The following TMEM87A variants were observed in gnomAD, a reference collection of about 807,000 sequenced individuals.
TMEM87A encodes transmembrane protein 87A.
Under a neutral mutation model 90.0 loss-of-function variants are expected in TMEM87A, and 50 were observed. That is an observed-to-expected ratio of 0.56 (90% CI 0.44 to 0.70). The LOEUF (loss-of-function observed/expected upper bound fraction) is 0.70, where lower values mean the gene tolerates loss of function less well. Among genes scored for constraint, TMEM87A ranks in the 30% least tolerant of loss-of-function variants. TMEM87A has a pLI of 0.00. For missense variants in TMEM87A, 577 were observed against 660.5 expected, an observed-to-expected ratio of 0.87 and a Z score of 1.39; for synonymous variants, 226 against 226.7, an observed-to-expected ratio of 1.00 and a Z score of 0.03.
intron 19 of TMEM87A, among the ~76,000 whole-genome samples, chr15:42,213,973 G>A (rs920741840): frequency 2.0e-5 from 3 of 152,100 alleles, no homozygotes; most frequent in Admixed American, 6.6e-5. Context: ...ACGAACTCAG[G>A]AGAACAATGC....
In TMEM87A at chr15:42,227,754, A is replaced by T; in HGVS notation, c.1256T>A (p.Ile419Asn). 1 of 1,613,978 alleles carries T rather than the reference A, an allele frequency of 6.2e-7. No homozygotes were observed. The highest frequency in any genetic ancestry group is 8.5e-7 in the Non-Finnish European group (1 of 1,179,940). Residue 419 changes from isoleucine (I) to asparagine (N), a missense_variant, in exon 14 of 20, where the codon ATC becomes AAC. Transcript: ENST00000389834. Reference sequence around the variant, plus strand: ...TCTGAACTTCATGGTTGTCCAGATGATAAACACAATGGATGCTAACAGTAA... The same window carrying T: ...TCTGAACTTCATGGTTGTCCAGATGTTAAACACAATGGATGCTAACAGTAA... ...ILAVAASIVFIIWTTMKFRIV... is the reference protein window; with the variant it reads ...ILAVAASIVFNIWTTMKFRIV...
intron 15 of TMEM87A, among the ~76,000 whole-genome samples, chr15:42,225,773 G>A (rs1360675670): frequency 6.6e-6 from 1 of 152,206 alleles, no homozygotes; most frequent in Non-Finnish European, 1.5e-5. Flanking sequence ...CTGGATTCAT[G>A]TGATCTGCCC....
intron 7 of TMEM87A, among the ~76,000 whole-genome samples, chr15:42,241,307 GCCAGACTAGAAGGATAAGTAGAGAACTAT>G (rs2050862359): frequency 1.3e-5 from 2 of 152,066 alleles, no homozygotes; most frequent in African/African-American, 4.8e-5. Flanking sequence ...ATCCCTCTCA[GCCAGACTAGAAGGATAAGTAGAGAACTAT>G]CCCTCTCAGC....
intron 8 of TMEM87A, 90 bp downstream of exon 8, chr15:42,239,580 T>A: frequency 1.8e-6 from 2 of 1,090,498 alleles, no homozygotes; most frequent in Middle Eastern, 2.0e-4. Flanking sequence ...CAGGAACAAT[T>A]CATTAAAAAG....
At chr15:42,268,162 C>T (rs1443399056) in intron 2 of TMEM87A, 130 bp from the exon 3 acceptor site, 2 of 603,458 alleles carry the variant, frequency 3.3e-6, no homozygotes, top group Non-Finnish European at 5.6e-6. Context: ...TTTCTCCAAA[C>T]ATAAGGTATT....
chr15:42,270,035 A>C (rs1179354356), intron 2 of TMEM87A, among the ~76,000 whole-genome samples: 1 of 151,918 alleles, frequency 6.6e-6, no homozygotes, highest in East Asian at 1.9e-4. Flanking sequence ...ACAACTGGTA[A>C]ATATGAGAAA....
intron 10 of TMEM87A, among the ~76,000 whole-genome samples, chr15:42,235,789 G>A (rs761385261): frequency 3.9e-5 from 6 of 152,068 alleles, no homozygotes; most frequent in Non-Finnish European, 5.9e-5. Context: ...ACTTTCCACT[G>A]ACATATTAAA....
chr15:42,263,290 G>A (rs914630314), intron 4 of TMEM87A, among the ~76,000 whole-genome samples: 1 of 152,134 alleles, frequency 6.6e-6, no homozygotes, highest in Admixed American at 6.5e-5. Context: ...AGTGGAAGAA[G>A]TCAGACAAAA....
intron 6 of TMEM87A, among the ~76,000 whole-genome samples, chr15:42,246,302 G>GT (rs201536145): frequency 6.0e-5 from 9 of 150,962 alleles, no homozygotes; most frequent in East Asian, 1.9e-4. Context: ...AAGTTTTGTT[G>GT]TTTTTTTTTA....
intron 6 of TMEM87A, 85 bp from the exon 7 acceptor site, chr15:42,244,252 G>T: frequency 1.1e-6 from 1 of 901,030 alleles, no homozygotes. Flanking sequence ...TTTTGCTCCA[G>T]AATGTGCCCA....
Position 42,226,889 on chromosome 15 carries a change from T to C in TMEM87A, c.1320A>G (p.Val440=). 2 of 1,614,084 alleles carry C rather than the reference T, an allele frequency of 1.2e-6. No homozygotes were observed. Among genetic ancestry groups the C allele is most frequent in the Non-Finnish European group, 1.7e-6 (2 of 1,180,016 alleles). Residue 440 remains valine (V), a synonymous_variant, in exon 15 of 20, where the codon GTA becomes GTG. Coordinates refer to ENST00000389834, the MANE Select transcript of TMEM87A (RefSeq NM_015497.5). ...TCQSDWRELW[V]DDAIWRLLFS... ...ACAGCAAGCGCCAGATGGCATCGTC[T>C]ACCCACAGCTCCCGCCAGTCCTACA...
intron 6 of TMEM87A, among the ~76,000 whole-genome samples, chr15:42,251,577 G>T (rs561243695): frequency 1.3e-5 from 2 of 152,324 alleles, no homozygotes; most frequent in East Asian, 3.9e-4. Context: ...AGAGGAGGCT[G>T]CAGAACAGCA....
chr15:42,264,957 G>A (rs930779864), intron 3 of TMEM87A, among the ~76,000 whole-genome samples: 6 of 151,840 alleles, frequency 4.0e-5, no homozygotes, highest in African/African-American at 9.7e-5. Context: ...GTGGTATTTC[G>A]CTTTCTGTTC....
At chr15:42,238,211 AC>A (rs1182061540) in intron 8 of TMEM87A, among the ~76,000 whole-genome samples, 1 of 151,960 alleles carries the variant, frequency 6.6e-6, no homozygotes, top group Non-Finnish European at 1.5e-5. Context: ...AGGCAGGAGG[AC>A]TGCTTGAGGT....
intron 8 of TMEM87A, among the ~76,000 whole-genome samples, chr15:42,238,296 G>A (rs1249307177): frequency 1.3e-5 from 2 of 151,976 alleles, no homozygotes; most frequent in Non-Finnish European, 2.9e-5. Context: ...GGCCAGGCAT[G>A]GTGGCTCATG....
At chr15:42,251,765 G>A (rs889172796) in intron 6 of TMEM87A, among the ~76,000 whole-genome samples, 13 of 152,282 alleles carry the variant, frequency 8.5e-5, no homozygotes, top group African/African-American at 2.4e-4. Flanking sequence ...CTGGGAGAAC[G>A]ATTGCTCTCT....
intron 1 of TMEM87A, chr15:42,272,622 G>A (rs539129917): frequency 7.3e-6 from 2 of 274,274 alleles, no homozygotes; most frequent in Admixed American, 1.0e-4. Flanking sequence ...ATGGGTAAGG[G>A]GCAGAAAGGG....
intron 6 of TMEM87A, among the ~76,000 whole-genome samples, chr15:42,259,767 A>C (rs545682275): frequency 8.5e-5 from 13 of 152,342 alleles, no homozygotes; most frequent in African/African-American, 2.6e-4. Context: ...AGGAGGCCCT[A>C]ATCATTCACT....
chr15:42,246,025 G>A (rs1468355855), intron 6 of TMEM87A, among the ~76,000 whole-genome samples: 1 of 152,112 alleles, frequency 6.6e-6, no homozygotes, highest in Non-Finnish European at 1.5e-5. Flanking sequence ...AACCGAAATG[G>A]AGACCCTGTA....
Sources: allele counts gnomAD v4.1 joint callset (sites outside exome capture counted in the v4.1 genomes callset), GRCh38; gene constraint gnomAD v4.1.1; transcripts MANE v1.5; gene names NCBI Gene and HGNC (gene_info 2026-07-23, HGNC 2026-07-21).